The following TMEM51 variants were observed in gnomAD, a reference collection of about 807,000 sequenced individuals.
TMEM51 encodes chromosome 1 open reading frame 72.
Under a neutral mutation model 13.6 loss-of-function variants are expected in TMEM51, and 8 were observed. That is an observed-to-expected ratio of 0.59 (90% CI 0.35 to 1.07). The LOEUF (loss-of-function observed/expected upper bound fraction) is 1.07. Ranked by LOEUF, TMEM51 falls within the 50% of genes least tolerant of loss-of-function variation. TMEM51 has a pLI of 0.02. For synonymous variants in TMEM51, 147 were observed against 144.4 expected, an observed-to-expected ratio of 1.02 and a Z score of -0.13; for missense variants, 279 against 330.7, an observed-to-expected ratio of 0.84 and a Z score of 1.21.
chr1:15,164,547 G>A (rs1642917004), intron 1 of TMEM51: 2 of 447,340 alleles, frequency 4.5e-6, no homozygotes, highest in Non-Finnish European at 9.1e-6. Context: ...CATCAGCCTT[G>A]GTCACTTGGT....
chr1:15,157,179 G>A (rs1201647470), intron 1 of TMEM51, among the ~76,000 whole-genome samples: 1 of 152,160 alleles, frequency 6.6e-6, no homozygotes, highest in Non-Finnish European at 1.5e-5. Flanking sequence ...CCCTCTGAGG[G>A]TCTCTGCTGA....
At chr1:15,153,358 C>A (rs1642460867), upstream of TMEM51, among the ~76,000 whole-genome samples, 1 of 152,180 alleles carries the variant, frequency 6.6e-6, no homozygotes, top group African/African-American at 2.4e-5. Context: ...CCTGGGACTT[C>A]TAGCTTGAGA....
intron 1 of TMEM51, among the ~76,000 whole-genome samples, chr1:15,167,620 G>A (rs900761217): frequency 1.3e-5 from 2 of 152,208 alleles, no homozygotes; most frequent in Non-Finnish European, 2.9e-5. Context: ...AAACTTAGGA[G>A]GTTAGGGCCA....
chr1:15,175,579 G>A (rs1267749191), intron 1 of TMEM51, among the ~76,000 whole-genome samples: 4 of 152,192 alleles, frequency 2.6e-5, no homozygotes, highest in Admixed American at 6.5e-5. Context: ...ACCCGAGACT[G>A]GGTAATTTAC....
intron 1 of TMEM51, among the ~76,000 whole-genome samples, chr1:15,157,335 C>G (rs780698350): frequency 1.2e-4 from 18 of 152,154 alleles, no homozygotes; most frequent in Non-Finnish European, 2.2e-4. Context: ...ACTTAGCAGC[C>G]CTTAAACCTG....
intron 1 of TMEM51, among the ~76,000 whole-genome samples, chr1:15,201,472 G>A (rs1644154549): frequency 6.6e-6 from 1 of 151,554 alleles, no homozygotes; most frequent in African/African-American, 2.4e-5. Flanking sequence ...TAATAATAAA[G>A]GCATGTAAGG....
At chr1:15,184,346 A>G (rs1038099844) in intron 1 of TMEM51, among the ~76,000 whole-genome samples, 12 of 152,182 alleles carry the variant, frequency 7.9e-5, no homozygotes, top group African/African-American at 2.9e-4. Context: ...ACCAGCTCTC[A>G]GGGCTGTTGA....
At chr1:15,155,813 G>A (rs896037448) in intron 1 of TMEM51, among the ~76,000 whole-genome samples, 50 of 152,172 alleles carry the variant, frequency 3.3e-4, no homozygotes, top group African/African-American at 1.2e-3. Context: ...TGGGCCAGGC[G>A]CTGTTCTAGG....
intron 3 of TMEM51, among the ~76,000 whole-genome samples, chr1:15,216,532 T>C (rs905868859): frequency 1.3e-5 from 2 of 152,204 alleles, no homozygotes; most frequent in African/African-American, 4.8e-5. Context: ...GGATTGCTGA[T>C]GAAATGTTGA....
At chr1:15,213,212 T>C (rs1644369911) in intron 2 of TMEM51, among the ~76,000 whole-genome samples, 1 of 152,152 alleles carries the variant, frequency 6.6e-6, no homozygotes, top group Non-Finnish European at 1.5e-5. Flanking sequence ...ACTTAGGAGG[T>C]AGTGAGATGC....
intron 1 of TMEM51, chr1:15,171,402 G>A: frequency 8.6e-7 from 1 of 1,164,452 alleles, no homozygotes; most frequent in Non-Finnish European, 1.1e-6. Flanking sequence ...AGTTGCCGGG[G>A]ACCAGGGGCA....
intron 3 of TMEM51, among the ~76,000 whole-genome samples, chr1:15,218,002 T>G (rs982704249): frequency 3.3e-5 from 5 of 152,200 alleles, no homozygotes; most frequent in African/African-American, 9.6e-5. Flanking sequence ...GTGAGCACAT[T>G]TGAGTTCATT....
intron 3 of TMEM51, among the ~76,000 whole-genome samples, chr1:15,217,254 C>T (rs1303990112): frequency 6.6e-6 from 1 of 152,180 alleles, no homozygotes; most frequent in Non-Finnish European, 1.5e-5. Flanking sequence ...CCAGTTACCA[C>T]CCCTTTCCAT....
intron 1 of TMEM51, among the ~76,000 whole-genome samples, chr1:15,176,530 G>T (rs1643461577): frequency 6.6e-6 from 1 of 152,172 alleles, no homozygotes; most frequent in African/African-American, 2.4e-5. Context: ...GGGGAGGAGA[G>T]AAAGGCAAGA....
intron 1 of TMEM51, among the ~76,000 whole-genome samples, chr1:15,167,164 A>T (rs1299498400): frequency 6.6e-6 from 1 of 151,772 alleles, no homozygotes; most frequent in Non-Finnish European, 1.5e-5. Flanking sequence ...CGTCTCTCCT[A>T]AAAAAACAAA....
chr1:15,208,617 T>G (rs1644288889), intron 1 of TMEM51, among the ~76,000 whole-genome samples: 1 of 152,016 alleles, frequency 6.6e-6, no homozygotes, highest in African/African-American at 2.4e-5. Flanking sequence ...TAAAATAATT[T>G]TTTAAAAAAT....
Position 15,207,069 on chromosome 1 carries a change from G to GC in TMEM51, c.-266-3417dup, listed in dbSNP as rs1294374025. Among the ~76,000 whole-genome samples the GC allele has an allele frequency of 3.3e-5, 5 of 152,222 alleles. No individual in the cohort carries two copies. The highest frequency in any genetic ancestry group is 4.4e-5 in the Non-Finnish European group (3 of 68,038). ...TGTGGGCTGAAACTTGGCAGAGAGA[G>GC]CCCCACTGAATTCCTCCTTTGTGAT... On this transcript the variant is annotated intron_variant, in intron 1 of 3. Transcript: ENST00000376008. The surrounding 1 kb of genome is among the most constrained non-coding windows in gnomAD (Gnocchi z 4.6).
At chr1:15,217,979 C>G (rs535247064) in intron 3 of TMEM51, among the ~76,000 whole-genome samples, 1 of 152,338 alleles carries the variant, frequency 6.6e-6, no homozygotes, top group Non-Finnish European at 1.5e-5. Context: ...ACTCATCATT[C>G]CCCACCCTAG....
chr1:15,189,206 A>AT (rs1270804861), intron 1 of TMEM51, among the ~76,000 whole-genome samples: 1 of 102,282 alleles, frequency 9.8e-6, no homozygotes, highest in Non-Finnish European at 2.2e-5. Flanking sequence ...CACCCAGCTA[A>AT]TTTTTCCTTT....
Sources: allele counts gnomAD v4.1 joint callset (sites outside exome capture counted in the v4.1 genomes callset), GRCh38; gene constraint gnomAD v4.1.1; non-coding constraint Gnocchi (gnomAD v3.1); transcripts MANE v1.5; gene names NCBI Gene and HGNC (gene_info 2026-07-23, HGNC 2026-07-21).